Variants in BCAR1 observed in about 807,000 individuals in gnomAD.
The protein encoded by BCAR1 is breast cancer anti-estrogen resistance protein 1.
BCAR1 carries 30 observed loss-of-function variants against 67.6 expected under a neutral mutation model. The observed-to-expected ratio is 0.44, with a 90% CI of 0.33 to 0.60. The LOEUF (loss-of-function observed/expected upper bound fraction) is 0.60, where lower values mean the gene tolerates loss of function less well. BCAR1 is among the 20% of genes least tolerant of loss of function. The pLI is 0.02. For missense variants in BCAR1, 1,313 were observed against 1,222.3 expected (o/e 1.07, Z -1.11); for synonymous variants, 626 against 556.7 (o/e 1.12, Z -1.75).
At chr16:75,254,308 C>G (rs1331844341), upstream of BCAR1, among the ~76,000 whole-genome samples, 1 of 152,158 alleles carries the variant, frequency 6.6e-6, no homozygotes, top group Non-Finnish European at 1.5e-5. Flanking sequence ...ACTCAGACTG[C>G]AAAAGGACAG....
At chr16:75,245,690 C>T (rs1471547751) in intron 1 of BCAR1, among the ~76,000 whole-genome samples, 1 of 152,214 alleles carries the variant, frequency 6.6e-6, no homozygotes, top group Non-Finnish European at 1.5e-5. Context: ...CGCCTGGCAC[C>T]AGGAGCTTCC....
At chr16:75,267,398 G>C (rs1341131807) in intron 1 of BCAR1, among the ~76,000 whole-genome samples, 10 of 145,260 alleles carry the variant, frequency 6.9e-5, no homozygotes, top group South Asian at 2.2e-4. Flanking sequence ...GCAAGCCGGG[G>C]GGGGGGTGGG....
Position 75,229,714 on chromosome 16 carries a change from T to C in BCAR1, c.2410A>G (p.Lys804Glu). 6.2e-7 allele frequency: 1 copy of C among 1,612,996 alleles called. No homozygotes were observed. The change falls in exon 7 of 7, where the codon AAG (lysine) becomes GAG (glutamate). Residue 804 changes from lysine (K) to glutamate (E), a missense_variant. This residue lies in a region of BCAR1 where 1,272 missense variants were observed against 1,137.5 expected (regional missense o/e 1.12). Transcript: ENST00000162330. ...ACCTGGCTGCGCACGTCAGCAGCCT[T>C]GGCCTGCCGTGACAGTGTGTCCCCG... ...FIGDTLSRQA[K>E]AADVRSQVTH...
intron 2 of BCAR1, chr16:75,238,631 T>C (rs946246225): frequency 2.4e-5 from 24 of 986,166 alleles, no homozygotes; most frequent in Non-Finnish European, 2.9e-5. Flanking sequence ...CCACTAGGTC[T>C]CCAGCACGCC....
intron 2 of BCAR1, among the ~76,000 whole-genome samples, chr16:75,237,823 G>A (rs903965791): frequency 6.6e-6 from 1 of 152,168 alleles, no homozygotes; most frequent in Non-Finnish European, 1.5e-5. Context: ...GGTTGGCCCA[G>A]CAGGGGACTG....
In BCAR1 at chr16:75,229,389, C is replaced by G; in HGVS notation, c.*122G>C. The G allele has an allele frequency of 7.4e-7, 1 of 1,358,162 alleles. No individual in the cohort carries two copies. The highest frequency in any genetic ancestry group is 9.7e-7 in the Non-Finnish European group (1 of 1,031,098). 84.1% of individuals were successfully genotyped at this position (1,358,162 alleles called of 1,614,324 possible). Reference sequence around the variant, plus strand: ...TACAGATTCCTGGGCATCCAGGGCACCAGGACCGACGCAGAGCTGGGGTCC... The same window carrying G: ...TACAGATTCCTGGGCATCCAGGGCAGCAGGACCGACGCAGAGCTGGGGTCC... On this transcript the variant is annotated 3_prime_UTR_variant, in exon 7 of 7. Transcript: ENST00000162330.
intron 1 of BCAR1, among the ~76,000 whole-genome samples, chr16:75,250,299 C>T (rs943223721): frequency 6.6e-6 from 1 of 152,054 alleles, no homozygotes; most frequent in Non-Finnish European, 1.5e-5. Flanking sequence ...CACCCCCGTA[C>T]CTGGGCCCCG....
At chr16:75,234,775 A>C in intron 5 of BCAR1, 114 bp downstream of exon 5, 1 of 1,435,096 alleles carries the variant, frequency 7.0e-7, no homozygotes. Flanking sequence ...TCAAAGTGAG[A>C]GGAGGGTGCA....
intron 4 of BCAR1, chr16:75,236,362 T>C: frequency 3.0e-6 from 1 of 337,484 alleles, no homozygotes; most frequent in Non-Finnish European, 5.4e-6. Context: ...GCTGTGATAC[T>C]GCCACTGCCA....
At chr16:75,258,796 G>C (rs1377214287) in intron 1 of BCAR1, among the ~76,000 whole-genome samples, 5 of 152,234 alleles carry the variant, frequency 3.3e-5, no homozygotes, top group African/African-American at 1.2e-4. Context: ...AGGGACGCAG[G>C]GAGTCTCCCT....
At chr16:75,232,768 A>G (rs910228960) in intron 6 of BCAR1, among the ~76,000 whole-genome samples, 10 of 152,082 alleles carry the variant, frequency 6.6e-5, no homozygotes, top group Non-Finnish European at 1.0e-4. Context: ...CTTCCCAGGC[A>G]TCTTCCACTT....
chr16:75,238,991 T>C (rs2151424910), intron 2 of BCAR1: 1 of 985,322 alleles, frequency 1.0e-6, no homozygotes, highest in Non-Finnish European at 1.2e-6. Flanking sequence ...CATCCCAACC[T>C]CACGCGGTGA....
At chr16:75,243,788 T>A (rs1207101246) in intron 1 of BCAR1, among the ~76,000 whole-genome samples, 3 of 152,150 alleles carry the variant, frequency 2.0e-5, no homozygotes, top group Admixed American at 6.5e-5. Flanking sequence ...ATGAGTGCCG[T>A]GGCGAGGGCA....
Position 75,234,231 on chromosome 16 carries a change from GC to G in BCAR1, c.2011-297del, listed in dbSNP as rs556704174. On this transcript the variant is annotated intron_variant, in intron 5 of 6. Coordinates refer to ENST00000162330, the MANE Select transcript of BCAR1 (RefSeq NM_014567.5). ...CCCAGGCTGGCATATGTGGGACACA[GC>G]CCCCCCAGGCTGGCACATGCGGGGA... Among the ~76,000 whole-genome samples the G allele has an allele frequency of 1.2e-4, 18 of 148,816 alleles. No homozygotes were observed. In the South Asian group the frequency reaches 3.6e-3, roughly 30 times the overall value.
At position 75,234,927 on chromosome 16, in the gene BCAR1, C is replaced by A; in HGVS notation, c.1972G>T (p.Gly658Trp). The stretch of plus-strand genomic sequence containing the variant: ...TAGTCATAGTCCTCCATCCAGCCCC[C>A]CTCGCTGTTCTCGTACTGCCCATCT... Reference protein sequence around the residue: ...SPDGQYENSEGGWMEDYDYVH... With the variant: ...SPDGQYENSEWGWMEDYDYVH... The change falls in exon 5 of 7, where the codon GGG becomes TGG. Residue 658 changes from glycine (G) to tryptophan (W), a missense_variant. Gly to Trp is a radical substitution (Grantham distance 184). Around this residue, in one of 2 missense-constraint regions of BCAR1, gnomAD observed 1,272 missense variants for 1,137.5 expected, o/e 1.12. Transcript: ENST00000162330. 2 of 1,558,144 alleles carry A rather than the reference C, an allele frequency of 1.3e-6. No individual in the cohort carries two copies. Among genetic ancestry groups the A allele is most frequent in the Non-Finnish European group, 1.7e-6 (2 of 1,146,942 alleles).
chr16:75,241,182 C>A (rs529136429), intron 2 of BCAR1, among the ~76,000 whole-genome samples: 1 of 152,178 alleles, frequency 6.6e-6, no homozygotes, highest in Admixed American at 6.5e-5. Context: ...TGTGTTTACA[C>A]ATATGGGGTT....
chr16:75,263,888 A>T, intron 1 of BCAR1: 1 of 1,025,828 alleles, frequency 9.7e-7, no homozygotes, highest in Non-Finnish European at 1.2e-6. Context: ...CTGTTCCAAA[A>T]ATGAATTCTC....
intron 5 of BCAR1, among the ~76,000 whole-genome samples, chr16:75,234,266 G>A (rs1364146367): frequency 1.3e-5 from 2 of 151,780 alleles, no homozygotes; most frequent in Non-Finnish European, 2.9e-5. Context: ...GACACACAGA[G>A]AAGGTGGCTT....
At chr16:75,238,733 C>T in intron 2 of BCAR1, 1 of 985,582 alleles carries the variant, frequency 1.0e-6, no homozygotes, top group Non-Finnish European at 1.2e-6. Context: ...CCTCTCCAGA[C>T]TCATCTCCCT....
Sources: allele counts gnomAD v4.1 joint callset (sites outside exome capture counted in the v4.1 genomes callset), GRCh38; gene constraint gnomAD v4.1.1; regional missense constraint gnomAD v4.1.1; transcripts MANE v1.5; gene names NCBI Gene and HGNC (gene_info 2026-07-23, HGNC 2026-07-21).